Variants in RANBP2 observed in about 807,000 individuals in gnomAD.
RANBP2 encodes E3 SUMO-protein ligase RanBP2.
RANBP2 carries 57 observed loss-of-function variants against 303.6 expected under a neutral mutation model. The ratio of observed to expected loss-of-function variants is 0.19; its 90% CI spans 0.15 to 0.23. The LOEUF (loss-of-function observed/expected upper bound fraction) is 0.23, where lower values mean the gene tolerates loss of function less well. RANBP2 is among the 10% of genes least tolerant of loss of function. The pLI is 1.00. For synonymous variants in RANBP2, 1,167 were observed against 1,301.5 expected (o/e 0.90, Z 2.23); for missense variants, 3,138 against 3,780.8 (o/e 0.83, Z 4.46).
the RANBP2 span, among the ~76,000 whole-genome samples, chr2:109,346,942 G>C: frequency 6.6e-6 from 1 of 152,148 alleles, no homozygotes; most frequent in African/African-American, 2.4e-5. Context: ...GTCTGTGATG[G>C]CCGGGGACTG....
chr2:109,670,913 A>G, the RANBP2 span, among the ~76,000 whole-genome samples: 1 of 152,152 alleles, frequency 6.6e-6, no homozygotes, highest in Non-Finnish European at 1.5e-5. Flanking sequence ...CAGTGGGCCC[A>G]GTGGTTCCTG....
At chr2:108,975,155 C>T in the RANBP2 span, among the ~76,000 whole-genome samples, 1 of 152,280 alleles carries the variant, frequency 6.6e-6, no homozygotes. Flanking sequence ...CAAAGGGGAG[C>T]AAATGATGGT....
At chr2:109,607,319 G>A in the RANBP2 span, among the ~76,000 whole-genome samples, 3 of 152,226 alleles carry the variant, frequency 2.0e-5, no homozygotes, top group Admixed American at 2.0e-4. Context: ...AATGTACAGA[G>A]TATTTAGTCT....
chr2:109,014,148 A>G, the RANBP2 span, among the ~76,000 whole-genome samples: 1 of 152,230 alleles, frequency 6.6e-6, no homozygotes, highest in South Asian at 2.1e-4. Context: ...CCATCAGATT[A>G]TCTCCTGCTA....
the RANBP2 span, among the ~76,000 whole-genome samples, chr2:109,305,710 G>A: frequency 1.3e-5 from 2 of 152,240 alleles, no homozygotes; most frequent in Admixed American, 1.3e-4. Context: ...CATGTGCGGT[G>A]TGTGGCTACA....
At chr2:109,560,847 A>T in the RANBP2 span, among the ~76,000 whole-genome samples, 1 of 152,186 alleles carries the variant, frequency 6.6e-6, no homozygotes, top group East Asian at 1.9e-4. Flanking sequence ...TCACTTTATT[A>T]TATCCAAACA....
the RANBP2 span, among the ~76,000 whole-genome samples, chr2:109,630,336 T>G: frequency 6.5e-4 from 99 of 152,280 alleles, 1 homozygote; most frequent in African/African-American, 2.4e-3. Context: ...CACTCCTCTA[T>G]CTGGCCTGCA....
the RANBP2 span, among the ~76,000 whole-genome samples, chr2:109,115,103 T>C: frequency 1.3e-5 from 2 of 152,228 alleles, no homozygotes; most frequent in African/African-American, 4.8e-5. Context: ...AAAAAATGTA[T>C]ATTCTGTTGA....
At chr2:109,587,781 C>T in the RANBP2 span, among the ~76,000 whole-genome samples, 1 of 151,964 alleles carries the variant, frequency 6.6e-6, no homozygotes, top group Non-Finnish European at 1.5e-5. Context: ...GGTGTGGTGG[C>T]ACGCACCTGT....
the RANBP2 span, among the ~76,000 whole-genome samples, chr2:109,232,035 G>A: frequency 2.7e-3 from 414 of 152,316 alleles, 4 homozygotes; most frequent in African/African-American, 9.6e-3. Context: ...CCGTTCATTA[G>A]ATGATGGACA....
chr2:109,026,186 G>C, the RANBP2 span, among the ~76,000 whole-genome samples: 45 of 152,042 alleles, frequency 3.0e-4, 1 homozygote, highest in African/African-American at 1.1e-3. Context: ...CTGTCACCCA[G>C]GCTGGAGTGC....
chr2:108,956,804 T>TTTTA, the RANBP2 span, among the ~76,000 whole-genome samples: 1 of 152,120 alleles, frequency 6.6e-6, no homozygotes, highest in African/African-American at 2.4e-5. Context: ...TTGTTTTTTT[T>TTTTA]GAGACAGAGT....
the RANBP2 span, among the ~76,000 whole-genome samples, chr2:109,396,068 C>A: frequency 6.6e-6 from 1 of 152,152 alleles, no homozygotes; most frequent in African/African-American, 2.4e-5. Context: ...TGCTCCGATG[C>A]CAGTGAGTGA....
At chr2:109,025,835 G>A in the RANBP2 span, among the ~76,000 whole-genome samples, 4 of 150,976 alleles carry the variant, frequency 2.6e-5, no homozygotes, top group African/African-American at 9.9e-5. Flanking sequence ...ACATCAATAG[G>A]TTAGAGCTTC....
the RANBP2 span, among the ~76,000 whole-genome samples, chr2:109,161,120 C>T: frequency 6.6e-6 from 1 of 152,182 alleles, no homozygotes; most frequent in Non-Finnish European, 1.5e-5. Flanking sequence ...TTTGAGGCTT[C>T]CTGATGTATC....
At chr2:109,424,270 GC>G in the RANBP2 span, among the ~76,000 whole-genome samples, 1,599 of 152,298 alleles carry the variant, frequency 0.01, 22 homozygotes, top group African/African-American at 0.026. Context: ...CTTTGAAGGG[GC>G]AGTCATGGGT....
At chr2:108,846,133 T>A in the RANBP2 span, among the ~76,000 whole-genome samples, 1 of 152,298 alleles carries the variant, frequency 6.6e-6, no homozygotes, top group Non-Finnish European at 1.5e-5. Flanking sequence ...ATGTGCCTGA[T>A]AAGCTGGTTT....
the RANBP2 span, among the ~76,000 whole-genome samples, chr2:109,604,458 G>A: frequency 2.7e-5 from 4 of 149,198 alleles, no homozygotes; most frequent in African/African-American, 9.8e-5. Context: ...CGGGCGTGGT[G>A]GCTGAGGCCT....
chr2:108,857,267 C>T, the RANBP2 span, among the ~76,000 whole-genome samples: 3 of 151,728 alleles, frequency 2.0e-5, no homozygotes, highest in East Asian at 1.9e-4. Flanking sequence ...TTGGTAGAGA[C>T]GGGGTTTCAC....
Sources: allele counts gnomAD v4.1 joint callset (sites outside exome capture counted in the v4.1 genomes callset), GRCh38; gene constraint gnomAD v4.1.1; transcripts MANE v1.5; gene names NCBI Gene and HGNC (gene_info 2026-07-23, HGNC 2026-07-21).